INPP5A: variants seen among roughly 807,000 people sequenced by gnomAD.
The protein encoded by INPP5A is inositol polyphosphate-5-phosphatase A.
In INPP5A, 14 loss-of-function variants were observed where a neutral mutation model predicts 65.2. The observed-to-expected ratio is 0.21, with a 90% CI of 0.14 to 0.34. INPP5A has a LOEUF of 0.34. INPP5A is among the 10% of genes least tolerant of loss of function. The pLI is 1.00. For synonymous variants in INPP5A, 207 were observed against 208.3 expected (o/e 0.99, Z 0.05); for missense variants, 431 against 545.6 (o/e 0.79, Z 2.09).
At chr10:132,689,084 G>A (rs538790999) in intron 4 of INPP5A, among the ~76,000 whole-genome samples, 26 of 152,364 alleles carry the variant, frequency 1.7e-4, no homozygotes, top group Admixed American at 3.9e-4. Flanking sequence ...ATGTGCAAGA[G>A]TGTACAAGTG....
intron 4 of INPP5A, among the ~76,000 whole-genome samples, chr10:132,656,887 G>A (rs1386503199): frequency 6.6e-6 from 1 of 152,224 alleles, no homozygotes; most frequent in African/African-American, 2.4e-5. Flanking sequence ...TGGTGCATGT[G>A]GGGAACCGTG....
chr10:132,702,174 A>G (rs1564971765), intron 6 of INPP5A, among the ~76,000 whole-genome samples: 1 of 152,276 alleles, frequency 6.6e-6, no homozygotes, highest in Non-Finnish European at 1.5e-5. Flanking sequence ...CTTATTTTCT[A>G]CAAATACTTT....
intron 1 of INPP5A, among the ~76,000 whole-genome samples, chr10:132,568,801 A>G (rs1055361717): frequency 6.6e-6 from 1 of 152,166 alleles, no homozygotes; most frequent in African/African-American, 2.4e-5. Flanking sequence ...TTTTGAGACA[A>G]TTGAAGCTTA....
At position 132,644,149 on chromosome 10, in the gene INPP5A, G is replaced by T. The variant is rs1037971368; in HGVS notation, c.118-1719G>T. Among the ~76,000 whole-genome samples the T allele has an allele frequency of 6.6e-6, 1 of 152,204 alleles. No individual in the cohort carries two copies. The highest frequency in any genetic ancestry group is 1.9e-4 in the East Asian group (1 of 5,190). On this transcript the variant is annotated intron_variant, in intron 2 of 15. Coordinates refer to ENST00000368594, the MANE Select transcript of INPP5A (RefSeq NM_005539.5). This position sits in a 1 kb window ranked among gnomAD's most constrained non-coding sequence, Gnocchi z 6.5. ...CCTTGGGAACCACGTTGGGCCGTCT[G>T]TTAGGGAGAAGTGCACTGCCTGGGC...
At position 132,673,145 on chromosome 10, in the gene INPP5A, T is replaced by C. The variant is rs145918425; in HGVS notation, c.307-17247T>C. ...AATCACCCCAACAGTGTAACTCCTTTCTTAGCCTATTGACATAAAGGTAGG... is the reference window on the plus strand; with the variant it reads ...AATCACCCCAACAGTGTAACTCCTTCCTTAGCCTATTGACATAAAGGTAGG... On this transcript the variant is annotated intron_variant, in intron 4 of 15. Coordinates refer to ENST00000368594, the MANE Select transcript of INPP5A (RefSeq NM_005539.5). Among the ~76,000 whole-genome samples the C allele has an allele frequency of 9.1e-3, 1,389 of 152,296 alleles. 13 individuals are homozygous for C. Among genetic ancestry groups the C allele is most frequent in the Non-Finnish European group, 0.014 (957 of 68,024 alleles).
At chr10:132,593,681 A>G (rs1449185246) in intron 1 of INPP5A, among the ~76,000 whole-genome samples, 2 of 152,092 alleles carry the variant, frequency 1.3e-5, no homozygotes, top group Admixed American at 1.3e-4. Context: ...TTGTTCCTCT[A>G]TAGCTAAGAT....
intron 11 of INPP5A, among the ~76,000 whole-genome samples, chr10:132,763,236 A>C (rs1846765447): frequency 6.6e-6 from 1 of 152,220 alleles, no homozygotes; most frequent in African/African-American, 2.4e-5. Context: ...GCTCCTGGGC[A>C]GGCCTTAGGG....
chr10:132,718,877 G>C (rs188159417), intron 8 of INPP5A, among the ~76,000 whole-genome samples: 73 of 151,086 alleles, frequency 4.8e-4, no homozygotes, highest in East Asian at 2.5e-3. Context: ...TCAGGGTTCT[G>C]TGGTGCCTGG....
chr10:132,749,882 T>C (rs1590981671), intron 11 of INPP5A, 37 bp downstream of exon 11: 5 of 1,576,380 alleles, frequency 3.2e-6, no homozygotes, highest in Non-Finnish European at 4.4e-6. Flanking sequence ...TCCCCCGTCC[T>C]GGGACATCCA....
At chr10:132,715,480 G>C (rs190488086) in intron 8 of INPP5A, among the ~76,000 whole-genome samples, 1 of 152,340 alleles carries the variant, frequency 6.6e-6, no homozygotes, top group East Asian at 1.9e-4. Context: ...GAAAAATAAT[G>C]TTCTTCTGAA....
chr10:132,759,626 C>T (rs938292865), intron 11 of INPP5A, among the ~76,000 whole-genome samples: 1 of 151,878 alleles, frequency 6.6e-6, no homozygotes, highest in Non-Finnish European at 1.5e-5. Flanking sequence ...CTGCTAACAT[C>T]GAAGCTCTCG....
chr10:132,751,968 GCACAGGACGTGTCTGGGTA>G (rs2134642501), intron 11 of INPP5A, among the ~76,000 whole-genome samples: 1 of 149,914 alleles, frequency 6.7e-6, no homozygotes, highest in Non-Finnish European at 1.5e-5. Context: ...GAAAGGGGGT[GCACAGGACGTGTCTGGGTA>G]GAGGCGGGTG....
At chr10:132,639,214 T>G (rs1392590556) in intron 2 of INPP5A, among the ~76,000 whole-genome samples, 1 of 152,130 alleles carries the variant, frequency 6.6e-6, no homozygotes, top group Non-Finnish European at 1.5e-5. Flanking sequence ...GACCTGCTGG[T>G]GGAACATTTG....
At chr10:132,724,554 A>G (rs1845950247) in intron 8 of INPP5A, among the ~76,000 whole-genome samples, 1 of 152,214 alleles carries the variant, frequency 6.6e-6, no homozygotes, top group Non-Finnish European at 1.5e-5. Flanking sequence ...TGTTCACCAC[A>G]GACGGGGGTT....
chr10:132,670,606 CT>C (rs1325144765), intron 4 of INPP5A, among the ~76,000 whole-genome samples: 11 of 151,606 alleles, frequency 7.3e-5, no homozygotes, highest in Admixed American at 2.6e-4. Flanking sequence ...CCCTGCCCCT[CT>C]GCTGCCCACA....
chr10:132,585,482 A>ATATG (rs2071534755), intron 1 of INPP5A, among the ~76,000 whole-genome samples: 1 of 152,224 alleles, frequency 6.6e-6, no homozygotes, highest in Admixed American at 6.5e-5. Flanking sequence ...TTTATCATGG[A>ATATG]TATGTATGTA....
At chr10:132,683,997 G>A (rs897887555) in intron 4 of INPP5A, among the ~76,000 whole-genome samples, 4 of 152,218 alleles carry the variant, frequency 2.6e-5, no homozygotes, top group African/African-American at 9.7e-5. Context: ...TTATAGGTGT[G>A]AGCCACTGTG....
At position 132,715,219 on chromosome 10, in the gene INPP5A, C is replaced by T. The variant is rs1300047716; in HGVS notation, c.647+4763C>T. On this transcript the variant is annotated intron_variant, in intron 8 of 15. Transcript: ENST00000368594. ...AGCTTTCAGCTGGAAAGGAGATTTT[C>T]CCATAAGTGACGGGACTCTTTGTCT... Among the ~76,000 whole-genome samples the T allele has an allele frequency of 1.3e-5, 2 of 152,224 alleles. 1 individual carries two copies. Among genetic ancestry groups the T allele is most frequent in the African/African-American group, 4.8e-5 (2 of 41,456 alleles).
Position 132,752,920 on chromosome 10 carries a change from G to A in INPP5A, c.903+3075G>A, listed in dbSNP as rs1026897841. Among the ~76,000 whole-genome samples the A allele has an allele frequency of 8.5e-5, 13 of 152,130 alleles. 1 individual carries two copies. Among genetic ancestry groups the A allele is most frequent in the African/African-American group, 3.1e-4 (13 of 41,398 alleles). ...TGGATTTGGTTCTGAATGAAAACAC[G>A]CTGTGGGGTTGAAGCCACGTGAGGC... On this transcript the variant is annotated intron_variant, in intron 11 of 15. Coordinates refer to ENST00000368594, the MANE Select transcript of INPP5A (RefSeq NM_005539.5).
Sources: allele counts gnomAD v4.1 joint callset (sites outside exome capture counted in the v4.1 genomes callset), GRCh38; gene constraint gnomAD v4.1.1; non-coding constraint Gnocchi (gnomAD v3.1); transcripts MANE v1.5; gene names NCBI Gene and HGNC (gene_info 2026-07-23, HGNC 2026-07-21).